PDE12: variants seen among roughly 807,000 people sequenced by gnomAD.
PDE12 encodes the protein phosphodiesterase 12, also known as 2',5'-phosphodiesterase 12.
PDE12 carries 26 observed loss-of-function variants against 45.4 expected under a neutral mutation model. The ratio of observed to expected loss-of-function variants is 0.57; its 90% CI spans 0.42 to 0.79. The LOEUF is 0.79. PDE12 is among the 30% of genes least tolerant of loss of function. The pLI is 0.00. For missense variants in PDE12, 668 were observed against 790.0 expected (o/e 0.85, Z 1.85); for synonymous variants, 283 against 323.9 (o/e 0.87, Z 1.36).
At chr3:57,647,019 A>G in the PDE12 span, among the ~76,000 whole-genome samples, 1 of 152,170 alleles carries the variant, frequency 6.6e-6, no homozygotes, top group African/African-American at 2.4e-5. Context: ...CTCTGCTAGT[A>G]TGTTACCAGG....
chr3:57,572,062 G>A, the PDE12 span: 187 of 603,794 alleles, frequency 3.1e-4, 3 homozygotes, highest in East Asian at 4.9e-3. Flanking sequence ...CATTATACTC[G>A]GTAAACAATA....
At chr3:57,587,404 A>C in the PDE12 span, among the ~76,000 whole-genome samples, 1 of 151,730 alleles carries the variant, frequency 6.6e-6, no homozygotes, top group Admixed American at 6.6e-5. Flanking sequence ...TCATGACTAT[A>C]TCATTTTAAA....
At chr3:57,601,869 C>G in the PDE12 span, among the ~76,000 whole-genome samples, 7 of 150,706 alleles carry the variant, frequency 4.6e-5, no homozygotes, top group South Asian at 1.0e-3. Context: ...CTCAGCTGCC[C>G]AAGTAGCTGG....
chr3:57,590,089 C>CAATAAATAAATAAATAAATA, the PDE12 span, among the ~76,000 whole-genome samples: 1 of 135,164 alleles, frequency 7.4e-6, no homozygotes, highest in East Asian at 2.1e-4. Context: ...GACTCTGTCT[C>CAATAAATAAATAAATAAATA]AATAAATAAA....
downstream of PDE12, among the ~76,000 whole-genome samples, chr3:57,569,551 C>T (rs543420439): frequency 2.8e-4 from 43 of 152,136 alleles, no homozygotes; most frequent in Non-Finnish European, 1.5e-4. Flanking sequence ...GGGGTTTCTC[C>T]ATGTTTGTTA....
At chr3:57,629,453 T>C in the PDE12 span, among the ~76,000 whole-genome samples, 1 of 150,926 alleles carries the variant, frequency 6.6e-6, no homozygotes, top group Non-Finnish European at 1.5e-5. Flanking sequence ...TTTTCACAAG[T>C]AGTTTAATTT....
chr3:57,590,682 A>G, the PDE12 span, among the ~76,000 whole-genome samples: 2 of 152,146 alleles, frequency 1.3e-5, no homozygotes, highest in Middle Eastern at 3.4e-3. Context: ...GTACATATAT[A>G]TACATTTGTT....
the PDE12 span, among the ~76,000 whole-genome samples, chr3:57,647,890 G>C: frequency 6.6e-6 from 1 of 152,018 alleles, no homozygotes; most frequent in African/African-American, 2.4e-5. Context: ...AGAAGAATCA[G>C]AGAGTGAGCA....
the PDE12 span, among the ~76,000 whole-genome samples, chr3:57,603,509 T>C: frequency 6.6e-6 from 1 of 151,714 alleles, no homozygotes; most frequent in African/African-American, 2.4e-5. Flanking sequence ...GGCTAATTTT[T>C]GTATTTTTAG....
chr3:57,601,984 A>C, the PDE12 span, among the ~76,000 whole-genome samples: 4 of 150,722 alleles, frequency 2.7e-5, no homozygotes, highest in African/African-American at 9.8e-5. Context: ...TGAATGCCTG[A>C]CCTCAAGTGA....
chr3:57,587,565 GA>G, the PDE12 span, among the ~76,000 whole-genome samples: 1 of 151,622 alleles, frequency 6.6e-6, no homozygotes, highest in Non-Finnish European at 1.5e-5. Flanking sequence ...TATGAAAAGA[GA>G]AAAAAAATTG....
In PDE12 at chr3:57,557,203, G is replaced by A; in HGVS notation, c.824G>A (p.Gly275Asp). The stretch of plus-strand genomic sequence containing the variant: ...GTGTGTGTGGTAGAGGCTGGGCCTG[G>A]CACCTGCACTTTTGACCACCGGCAT... The part of the protein sequence containing the change: ...ESVCVVEAGP[G>D]TCTFDHRHLY... Residue 275 changes from glycine (G) to aspartate (D), a missense_variant, in exon 1 of 3, where the codon GGC (glycine) becomes GAC (aspartate). Physicochemically the swap from Gly to Asp is moderately conservative, Grantham distance 94. Transcript: ENST00000311180. The A allele has an allele frequency of 6.2e-7, 1 of 1,607,396 alleles. No individual in the cohort carries two copies. Among genetic ancestry groups the A allele is most frequent in the South Asian group, 1.1e-5 (1 of 90,834 alleles).
the PDE12 span, among the ~76,000 whole-genome samples, chr3:57,616,873 A>C: frequency 2.6e-5 from 4 of 151,832 alleles, no homozygotes; most frequent in African/African-American, 9.7e-5. Flanking sequence ...AAATACAAAA[A>C]ATTAGCTAGG....
At chr3:57,588,020 A>G in the PDE12 span, among the ~76,000 whole-genome samples, 1 of 152,208 alleles carries the variant, frequency 6.6e-6, no homozygotes, top group African/African-American at 2.4e-5. Flanking sequence ...AACAATTTTG[A>G]GCCACTTCAG....
chr3:57,599,388 C>G, the PDE12 span, among the ~76,000 whole-genome samples: 2 of 152,080 alleles, frequency 1.3e-5, no homozygotes, highest in African/African-American at 4.8e-5. Context: ...GGTGGAGGCC[C>G]CAAGATTTAT....
the PDE12 span, chr3:57,583,859 C>T: frequency 7.1e-7 from 1 of 1,403,552 alleles, no homozygotes; most frequent in Non-Finnish European, 1.0e-6. Flanking sequence ...AGCATGAAAC[C>T]CACAAAGAAA....
At chr3:57,634,386 T>G in the PDE12 span, among the ~76,000 whole-genome samples, 1 of 140,448 alleles carries the variant, frequency 7.1e-6, no homozygotes, top group Non-Finnish European at 1.5e-5. Flanking sequence ...TGAGCTGAGA[T>G]CACATCACTG....
At position 57,560,298 on chromosome 3, in the gene PDE12, G is replaced by T. The variant is rs776853522; in HGVS notation, c.*294G>T. 7.1e-5 allele frequency: 82 copies of T among 1,151,564 alleles called. No individual in the cohort carries two copies. Among genetic ancestry groups the T allele is most frequent in the Non-Finnish European group, 8.6e-5 (80 of 935,468 alleles). The allele number at this position is 1,151,564 out of a possible 1,614,324, so 71.3% of individuals were successfully genotyped here. A position where few individuals can be genotyped will look rare whatever the true frequency, so the allele number is the denominator to read the frequency against. On this transcript the variant is annotated 3_prime_UTR_variant, in exon 3 of 3. Coordinates refer to ENST00000311180, the MANE Select transcript of PDE12 (RefSeq NM_177966.7). ...CTCTCAGAAAAGGAAGATTGAATTA[G>T]CGTGTTTTTTGTTTGTTTGTTTTTG...
In PDE12 at chr3:57,561,106, T is replaced by C; in HGVS notation, c.*1102T>C. The C allele has an allele frequency of 9.1e-6, 9 of 984,496 alleles. No individual in the cohort carries two copies. The highest frequency in any genetic ancestry group is 9.7e-6 in the Non-Finnish European group (8 of 828,708). The allele number at this position is 984,496 out of a possible 1,614,324, so 61.0% of individuals were successfully genotyped here. ...AGCACAATTTAGTATTCAAAGTGAG[T>C]AGCAACATATTCAACTTGATCCCAT... On this transcript the variant is annotated 3_prime_UTR_variant, in exon 3 of 3. Coordinates refer to ENST00000311180, the MANE Select transcript of PDE12 (RefSeq NM_177966.7).
Sources: allele counts gnomAD v4.1 joint callset (sites outside exome capture counted in the v4.1 genomes callset), GRCh38; gene constraint gnomAD v4.1.1; transcripts MANE v1.5; gene names NCBI Gene and HGNC (gene_info 2026-07-23, HGNC 2026-07-21).